The following RANBP2 variants were observed in gnomAD, a reference collection of about 807,000 sequenced individuals.
RANBP2 encodes the protein RAN binding protein 2.
A neutral mutation model predicts 303.6 loss-of-function variants in RANBP2; 57 were observed. That is an observed-to-expected ratio of 0.19 (90% CI 0.15 to 0.23). RANBP2 has a LOEUF of 0.23. RANBP2 is among the 10% of genes least tolerant of loss of function. The probability of loss-of-function intolerance (pLI) is 1.00; values close to 1 mark genes in which losing one functional copy is unlikely to be tolerated. For synonymous variants in RANBP2, 1,167 were observed against 1,301.5 expected (o/e 0.90, Z 2.23); for missense variants, 3,138 against 3,780.8 (o/e 0.83, Z 4.46).
chr2:109,320,493 T>TTATA, the RANBP2 span, among the ~76,000 whole-genome samples: 16 of 152,296 alleles, frequency 1.1e-4, no homozygotes, highest in African/African-American at 3.4e-4. Context: ...CCAAGGCCAG[T>TTATA]TATACCCTTT....
chr2:109,095,738 T>C, the RANBP2 span, among the ~76,000 whole-genome samples: 1 of 152,230 alleles, frequency 6.6e-6, no homozygotes. Context: ...AAAAGGTTTA[T>C]GAAAATTTTA....
the RANBP2 span, among the ~76,000 whole-genome samples, chr2:109,173,126 T>C: frequency 3.6e-3 from 543 of 152,378 alleles, 1 homozygote; most frequent in Non-Finnish European, 6.4e-3. Context: ...TTTTTTTAAC[T>C]CAAATTTTAA....
At chr2:108,890,605 T>C in the RANBP2 span, among the ~76,000 whole-genome samples, 1 of 152,318 alleles carries the variant, frequency 6.6e-6, no homozygotes, top group South Asian at 2.1e-4. Flanking sequence ...ATTCACCCTT[T>C]ATCTTTGACT....
At chr2:109,249,916 C>T in the RANBP2 span, among the ~76,000 whole-genome samples, 1 of 151,502 alleles carries the variant, frequency 6.6e-6, no homozygotes, top group Admixed American at 6.6e-5. Context: ...GATCTCCTGA[C>T]CTCATGATCC....
the RANBP2 span, chr2:109,129,798 G>A: frequency 1.9e-6 from 3 of 1,538,768 alleles, no homozygotes; most frequent in Admixed American, 2.0e-5. Context: ...AGAGCATCGT[G>A]TGCTCGCGCC....
the RANBP2 span, among the ~76,000 whole-genome samples, chr2:108,900,572 A>C: frequency 5.4e-5 from 1 of 18,568 alleles, no homozygotes; most frequent in African/African-American, 6.7e-5. Flanking sequence ...AAAAAAAAAA[A>C]ACAAAAAACC....
chr2:109,235,245 A>G, the RANBP2 span, among the ~76,000 whole-genome samples: 1 of 152,182 alleles, frequency 6.6e-6, no homozygotes, highest in African/African-American at 2.4e-5. Flanking sequence ...AACCCTGAAT[A>G]GTTCTGGGAG....
the RANBP2 span, among the ~76,000 whole-genome samples, chr2:109,099,385 G>A: frequency 2.1e-3 from 322 of 152,290 alleles, 2 homozygotes; most frequent in African/African-American, 7.4e-3. Context: ...CGGGTCGGTG[G>A]TCTCTTAGCA....
At chr2:109,715,165 C>G in the RANBP2 span, among the ~76,000 whole-genome samples, 1 of 151,866 alleles carries the variant, frequency 6.6e-6, no homozygotes, top group Non-Finnish European at 1.5e-5. Flanking sequence ...CGGGGTTTCA[C>G]CATGTTTGTC....
At chr2:109,343,808 G>A in the RANBP2 span, among the ~76,000 whole-genome samples, 6 of 151,178 alleles carry the variant, frequency 4.0e-5, no homozygotes, top group African/African-American at 4.9e-5. Flanking sequence ...GCAGTGGTAC[G>A]ATCATTGCTC....
At chr2:109,546,586 A>G in the RANBP2 span, among the ~76,000 whole-genome samples, 1 of 152,206 alleles carries the variant, frequency 6.6e-6, no homozygotes, top group Non-Finnish European at 1.5e-5. Context: ...TAAGAGATGC[A>G]AAGTATAGAA....
intron 20 of RANBP2, among the ~76,000 whole-genome samples, chr2:108,770,009 T>G (rs1677386647): frequency 1.3e-5 from 2 of 152,232 alleles, no homozygotes; most frequent in Admixed American, 6.5e-5. Flanking sequence ...TCTTAATCTT[T>G]TATTTTTAAA....
chr2:109,668,351 T>TGAC, the RANBP2 span, among the ~76,000 whole-genome samples: 147,050 of 152,182 alleles, frequency 0.97, 71,228 homozygotes, highest in Non-Finnish European at 0.99. Flanking sequence ...GGGTGAATGT[T>TGAC]AGTGGATTGT....
the RANBP2 span, chr2:108,839,273 C>G: frequency 6.2e-7 from 1 of 1,612,096 alleles, no homozygotes; most frequent in Non-Finnish European, 8.5e-7. Context: ...ATATATTGGT[C>G]CCTAAGGCAG....
At chr2:108,793,079 C>T in the RANBP2 span, among the ~76,000 whole-genome samples, 3 of 143,456 alleles carry the variant, frequency 2.1e-5, no homozygotes, top group African/African-American at 7.9e-5. Flanking sequence ...AAAGCAAGGC[C>T]GGGCACGGTG....
the RANBP2 span, among the ~76,000 whole-genome samples, chr2:109,712,037 C>T: frequency 4.6e-5 from 7 of 152,256 alleles, no homozygotes; most frequent in East Asian, 5.8e-4. Context: ...GTCCAGAGCT[C>T]GGGAAGAGGA....
the RANBP2 span, chr2:109,129,690 G>T: frequency 6.6e-7 from 1 of 1,526,276 alleles, no homozygotes. Flanking sequence ...ACGAGTCGTC[G>T]CTGCTGGACC....
chr2:109,049,278 G>C, the RANBP2 span, among the ~76,000 whole-genome samples: 103 of 152,240 alleles, frequency 6.8e-4, no homozygotes, highest in Non-Finnish European at 1.2e-3. Flanking sequence ...GAAGGCCAAG[G>C]GAGATGCCTT....
intron 7 of RANBP2, among the ~76,000 whole-genome samples, chr2:108,741,221 A>T (rs1161864881): frequency 6.6e-6 from 1 of 151,978 alleles, no homozygotes; most frequent in Non-Finnish European, 1.5e-5. Flanking sequence ...TTTTTTTGAG[A>T]CCAAGTCTCT....
Sources: allele counts gnomAD v4.1 joint callset (sites outside exome capture counted in the v4.1 genomes callset), GRCh38; gene constraint gnomAD v4.1.1; transcripts MANE v1.5; gene names NCBI Gene and HGNC (gene_info 2026-07-23, HGNC 2026-07-21).